The following BCL2 variants were observed in gnomAD, a reference collection of about 807,000 sequenced individuals.
The protein encoded by BCL2 is apoptosis regulator Bcl-2.
In BCL2, 1 loss-of-function variant was observed where a neutral mutation model predicts 14.2. The ratio of observed to expected loss-of-function variants is 0.07; its 90% confidence interval spans 0.02 to 0.33. The LOEUF (loss-of-function observed/expected upper bound fraction) is 0.33, where lower values mean the gene tolerates loss of function less well. Among genes scored for constraint, BCL2 ranks in the 10% least tolerant of loss-of-function variants. The probability of loss-of-function intolerance (pLI) is 0.99; values close to 1 mark genes in which losing one functional copy is unlikely to be tolerated. For missense variants in BCL2, 247 were observed against 305.9 expected, an observed-to-expected ratio of 0.81 and a Z score of 1.44; for synonymous variants, 151 against 137.2, an observed-to-expected ratio of 1.10 and a Z score of -0.70.
Position 63,126,781 on chromosome 18 carries a change from A to G in BCL2, c.*1844T>C, listed in dbSNP as rs1913921092. On this transcript the variant is annotated 3_prime_UTR_variant, in exon 3 of 3. Transcript: ENST00000333681. ...AGTGTATAGGCCATAACTAAATACA[A>G]TTAAAAACAAAAAAACGCTGAGATG... 1 of 227,248 alleles carries G rather than the reference A, an allele frequency of 4.4e-6. No individual in the cohort carries two copies. Among genetic ancestry groups the G allele is most frequent in the Non-Finnish European group, 8.8e-6 (1 of 114,238 alleles). The allele number at this position is 227,248 out of a possible 1,614,324, so 14.1% of individuals were successfully genotyped here. A position where few individuals can be genotyped will look rare whatever the true frequency, so the allele number is the denominator to read the frequency against.
At chr18:63,186,057 A>G (rs1218565534) in intron 2 of BCL2, among the ~76,000 whole-genome samples, 1 of 152,220 alleles carries the variant, frequency 6.6e-6, no homozygotes, top group African/African-American at 2.4e-5. Flanking sequence ...TCTATCCAAG[A>G]CAGTGATGTG....
rs184028346 is a variant in BCL2, at chr18:63,213,366, A to G, written c.586-84607T>C. On this transcript the variant is annotated intron_variant, in intron 2 of 2. Coordinates refer to ENST00000333681, the MANE Select transcript of BCL2 (RefSeq NM_000633.3). Reference sequence around the variant, plus strand: ...TGATTGTTGGATCTCATTATCACCAATGTAGGTCCTCACACCACACCCCTC... The same window carrying G: ...TGATTGTTGGATCTCATTATCACCAGTGTAGGTCCTCACACCACACCCCTC... 6.2e-4 allele frequency among the ~76,000 whole-genome samples: 95 copies of G among 152,236 alleles called. No individual in the cohort carries two copies. The East Asian group carries it at 7.9e-3, about 13-fold the overall frequency.
intron 2 of BCL2, among the ~76,000 whole-genome samples, chr18:63,201,623 T>C (rs1909695871): frequency 1.3e-5 from 2 of 152,162 alleles, no homozygotes; most frequent in African/African-American, 2.4e-5. Flanking sequence ...GTGGCACATA[T>C]ACACCATGGA....
intron 2 of BCL2, among the ~76,000 whole-genome samples, chr18:63,285,844 G>A (rs1912456289): frequency 2.0e-5 from 3 of 152,210 alleles, no homozygotes; most frequent in Admixed American, 2.0e-4. Flanking sequence ...GCATGTCTTT[G>A]TGGTCCATGG....
At chr18:63,302,443 C>A (rs1230094649) in intron 2 of BCL2, 1 of 985,210 alleles carries the variant, frequency 1.0e-6, no homozygotes, top group Non-Finnish European at 1.2e-6. Flanking sequence ...CACTATTGTC[C>A]CTCTGCCCGA....
intron 2 of BCL2, among the ~76,000 whole-genome samples, chr18:63,221,180 T>G (rs1239317690): frequency 6.6e-6 from 1 of 152,210 alleles, no homozygotes; most frequent in Non-Finnish European, 1.5e-5. Flanking sequence ...GAGGCTCAGT[T>G]TCCTTAAGTA....
At chr18:63,166,325 TG>T (rs1915043537) in intron 2 of BCL2, among the ~76,000 whole-genome samples, 1 of 152,064 alleles carries the variant, frequency 6.6e-6, no homozygotes, top group Non-Finnish European at 1.5e-5. Context: ...GGATTTGGAC[TG>T]GGGGATGTAA....
At chr18:63,292,469 T>C (rs922448790) in intron 2 of BCL2, among the ~76,000 whole-genome samples, 2 of 152,146 alleles carry the variant, frequency 1.3e-5, no homozygotes, top group Non-Finnish European at 2.9e-5. Context: ...TCCTTTCTAA[T>C]TGTGGTTCCA....
At chr18:63,289,640 C>A (rs1424048927) in intron 2 of BCL2, among the ~76,000 whole-genome samples, 1 of 152,106 alleles carries the variant, frequency 6.6e-6, no homozygotes, top group Non-Finnish European at 1.5e-5. Flanking sequence ...ATGCCTATAA[C>A]CCCAGCCCTC....
At chr18:63,258,168 G>A (rs61085928) in intron 2 of BCL2, among the ~76,000 whole-genome samples, 59,080 of 152,020 alleles carry the variant, frequency 0.39, 12,393 homozygotes, top group East Asian at 0.61. Context: ...TGGAAGAGGT[G>A]GGGGGTGGAT....
intron 2 of BCL2, among the ~76,000 whole-genome samples, chr18:63,177,682 A>T (rs1915381028): frequency 6.6e-6 from 1 of 152,246 alleles, no homozygotes; most frequent in Non-Finnish European, 1.5e-5. Context: ...TAACAAAGTT[A>T]TTCTGGCAAA....
intron 2 of BCL2, chr18:63,302,937 A>G: frequency 1.4e-5 from 13 of 952,928 alleles, no homozygotes; most frequent in Non-Finnish European, 1.6e-5. Context: ...CTCTCCCTTG[A>G]TACGCCCTGG....
intron 2 of BCL2, among the ~76,000 whole-genome samples, chr18:63,181,986 C>G (rs1329160673): frequency 6.6e-6 from 1 of 152,190 alleles, no homozygotes; most frequent in East Asian, 1.9e-4. Context: ...GGGGGCACCT[C>G]CTTACTTCAC....
chr18:63,157,154 T>C (rs183572935), intron 2 of BCL2, among the ~76,000 whole-genome samples: 15 of 152,330 alleles, frequency 9.8e-5, no homozygotes, highest in Non-Finnish European at 1.5e-5. Flanking sequence ...CTGAGCCTCT[T>C]GTGTAAAAAA....
At chr18:63,302,419 G>A (rs1467587042) in intron 2 of BCL2, 8 of 985,162 alleles carry the variant, frequency 8.1e-6, no homozygotes, top group Admixed American at 6.2e-5. Flanking sequence ...ACTCTGTCTT[G>A]CTTAATGAAA....
At chr18:63,193,621 CACACATACAAAT>C (rs1399597930) in intron 2 of BCL2, among the ~76,000 whole-genome samples, 4 of 149,980 alleles carry the variant, frequency 2.7e-5, no homozygotes, top group African/African-American at 9.8e-5. Context: ...TATACACACA[CACACATACAAAT>C]ACACACACAC....
chr18:63,158,279 T>C (rs1254922302), intron 2 of BCL2, among the ~76,000 whole-genome samples: 1 of 152,182 alleles, frequency 6.6e-6, no homozygotes, highest in Non-Finnish European at 1.5e-5. Flanking sequence ...TTGAGGCGTA[T>C]TAATGAGTAA....
chr18:63,284,670 T>A (rs1250523741), intron 2 of BCL2, among the ~76,000 whole-genome samples: 5 of 152,216 alleles, frequency 3.3e-5, no homozygotes, highest in South Asian at 4.1e-4. Context: ...CCTTCAAATG[T>A]ATGACTCAAG....
At chr18:63,178,543 C>T (rs72943036) in intron 2 of BCL2, among the ~76,000 whole-genome samples, 7,783 of 152,162 alleles carry the variant, frequency 0.051, 269 homozygotes, top group Non-Finnish European at 0.079. Context: ...GGTTTCTTTG[C>T]CAGGAAGAAC....
Sources: allele counts gnomAD v4.1 joint callset (sites outside exome capture counted in the v4.1 genomes callset), GRCh38; gene constraint gnomAD v4.1.1; transcripts MANE v1.5; gene names NCBI Gene and HGNC (gene_info 2026-07-23, HGNC 2026-07-21).